AGBL2: variants seen among roughly 807,000 people sequenced by gnomAD.
AGBL2 encodes cytosolic carboxypeptidase 2.
In AGBL2, 87 loss-of-function variants were observed where a neutral mutation model predicts 103.0. The observed-to-expected ratio is 0.84, with a 90% CI of 0.71 to 1.01. The LOEUF (loss-of-function observed/expected upper bound fraction) is 1.01. Ranked by LOEUF, AGBL2 falls within the 50% of genes least tolerant of loss-of-function variation. AGBL2 has a pLI of 0.00. For synonymous variants in AGBL2, 335 were observed against 356.7 expected (o/e 0.94, Z 0.69); for missense variants, 904 against 1,023.5 (o/e 0.88, Z 1.59).
At chr11:47,688,452 C>T (rs1188027614) in intron 10 of AGBL2, among the ~76,000 whole-genome samples, 1 of 152,102 alleles carries the variant, frequency 6.6e-6, no homozygotes, top group Non-Finnish European at 1.5e-5. Flanking sequence ...CTTTCGAGGG[C>T]CAGTTCCTAC....
Position 47,705,876 on chromosome 11 carries a change from C to G in AGBL2, c.274G>C (p.Ala92Pro), listed in dbSNP as rs754958052. 1 of 1,613,928 alleles carries G rather than the reference C, an allele frequency of 6.2e-7. No homozygotes were observed. Among genetic ancestry groups the G allele is most frequent in the Non-Finnish European group, 8.5e-7 (1 of 1,179,958 alleles). Residue 92 changes from alanine (A) to proline (P), a missense_variant, in exon 5 of 19, where the codon GCC (alanine) becomes CCC (proline). Physicochemically the swap from Ala to Pro is conservative, Grantham distance 27 (BLOSUM62 -1). Transcript: ENST00000525123. ...GGACATGAAATACCTCTGTTGATGG[C>G]TTCTATCTGTCTGTGCACAGCTGAA... Reference protein sequence around the residue: ...LSSAVHRQIEAINRDFHSCLG... With the variant: ...LSSAVHRQIEPINRDFHSCLG...
intron 18 of AGBL2, 80 bp from the exon 19 acceptor site, chr11:47,660,426 T>C (rs542522216): frequency 7.5e-7 from 1 of 1,331,406 alleles, no homozygotes; most frequent in East Asian, 2.3e-5. Context: ...GGGGTTGGCT[T>C]TACAAGGAGC....
At chr11:47,674,609 G>A (rs1025578202) in intron 14 of AGBL2, among the ~76,000 whole-genome samples, 2 of 150,824 alleles carry the variant, frequency 1.3e-5, no homozygotes, top group Non-Finnish European at 2.9e-5. Flanking sequence ...GGCCATAGAG[G>A]TATCAGGAGG....
chr11:47,666,055 G>A (rs753131438), intron 17 of AGBL2, among the ~76,000 whole-genome samples: 2 of 151,708 alleles, frequency 1.3e-5, no homozygotes, highest in Non-Finnish European at 2.9e-5. Context: ...GGGCTTTCAG[G>A]TGTGAGCCAC....
intron 3 of AGBL2, 52 bp from the exon 4 acceptor site, chr11:47,710,563 T>C (rs1441346066): frequency 6.2e-7 from 1 of 1,607,020 alleles, no homozygotes; most frequent in Admixed American, 1.7e-5. Context: ...TCATCACTTC[T>C]AACATCTAGG....
At chr11:47,694,522 A>C (rs1241978314) in intron 8 of AGBL2, among the ~76,000 whole-genome samples, 2 of 152,188 alleles carry the variant, frequency 1.3e-5, no homozygotes, top group African/African-American at 2.4e-5. Flanking sequence ...TTTTGGGCCT[A>C]TCTGCTCCTT....
At chr11:47,673,101 C>A (rs2097362244) in intron 14 of AGBL2, among the ~76,000 whole-genome samples, 1 of 152,192 alleles carries the variant, frequency 6.6e-6, no homozygotes, top group Non-Finnish European at 1.5e-5. Flanking sequence ...AGGTACAGAA[C>A]AGTACCATTC....
intron 8 of AGBL2, among the ~76,000 whole-genome samples, chr11:47,695,836 A>T (rs1257537330): frequency 6.6e-6 from 1 of 151,534 alleles, no homozygotes. Flanking sequence ...TTGGTGAAAT[A>T]TTGGTATTAT....
At chr11:47,660,429 C>G in intron 18 of AGBL2, 83 bp from the exon 19 acceptor site, 1 of 1,294,468 alleles carries the variant, frequency 7.7e-7, no homozygotes, top group Non-Finnish European at 1.1e-6. Flanking sequence ...GTTGGCTTTA[C>G]AAGGAGCTGG....
chr11:47,668,999 AT>A (rs1161090128), intron 14 of AGBL2, 92 bp from the exon 15 acceptor site: 19 of 826,090 alleles, frequency 2.3e-5, no homozygotes, highest in Non-Finnish European at 3.7e-5. Flanking sequence ...TGGGATTAGG[AT>A]TAGGATATCT....
At chr11:47,673,793 C>CAA (rs66460144) in intron 14 of AGBL2, among the ~76,000 whole-genome samples, 855 of 75,504 alleles carry the variant, frequency 0.011, 24 homozygotes, top group Admixed American at 0.055. Flanking sequence ...GACTCCATCT[C>CAA]AAAAAAAAAA....
intron 4 of AGBL2, among the ~76,000 whole-genome samples, chr11:47,706,959 G>A (rs537828578): frequency 1.8e-4 from 26 of 148,428 alleles, no homozygotes; most frequent in African/African-American, 6.0e-4. Context: ...GGCCAAGGCA[G>A]GCGGATCACT....
intron 14 of AGBL2, among the ~76,000 whole-genome samples, chr11:47,669,487 C>T (rs2903989): frequency 0.036 from 5,467 of 151,952 alleles, 102 homozygotes; most frequent in Middle Eastern, 0.065. Flanking sequence ...TGAGACCACC[C>T]GGACTAACAT....
intron 4 of AGBL2, among the ~76,000 whole-genome samples, chr11:47,707,013 C>A (rs1181599254): frequency 2.1e-5 from 3 of 142,782 alleles, no homozygotes; most frequent in African/African-American, 7.8e-5. Context: ...ATGGTGAAAC[C>A]CTGTCTCTAC....
intron 3 of AGBL2, 124 bp from the exon 4 acceptor site, chr11:47,710,635 C>T: frequency 8.8e-7 from 1 of 1,138,818 alleles, no homozygotes; most frequent in Non-Finnish European, 1.3e-6. Context: ...GCAATGAATA[C>T]ACTGCATTTT....
intron 10 of AGBL2, among the ~76,000 whole-genome samples, chr11:47,688,296 G>T (rs940782343): frequency 1.3e-5 from 2 of 152,048 alleles, no homozygotes; most frequent in Non-Finnish European, 2.9e-5. Context: ...GGGGTGGTGG[G>T]TAGCCTTGCG....
intron 8 of AGBL2, among the ~76,000 whole-genome samples, chr11:47,695,830 T>A (rs1208563053): frequency 6.6e-6 from 1 of 151,170 alleles, no homozygotes; most frequent in Non-Finnish European, 1.5e-5. Context: ...TCAGAGTTGG[T>A]GAAATATTGG....
intron 14 of AGBL2, among the ~76,000 whole-genome samples, chr11:47,673,224 T>G (rs957105403): frequency 1.1e-4 from 17 of 152,132 alleles, no homozygotes; most frequent in Non-Finnish European, 4.4e-5. Flanking sequence ...TGGTGGCTCA[T>G]GCTTGTCATC....
At chr11:47,685,485 G>A (rs947520500) in intron 11 of AGBL2, among the ~76,000 whole-genome samples, 2 of 151,752 alleles carry the variant, frequency 1.3e-5, no homozygotes, top group South Asian at 2.1e-4. Flanking sequence ...GCAATGGCAC[G>A]ATCTCTGCTC....
Sources: allele counts gnomAD v4.1 joint callset (sites outside exome capture counted in the v4.1 genomes callset), GRCh38; gene constraint gnomAD v4.1.1; transcripts MANE v1.5; gene names NCBI Gene and HGNC (gene_info 2026-07-23, HGNC 2026-07-21).